The following SALL1 variants were observed in gnomAD, a reference collection of about 807,000 sequenced individuals.
SALL1 encodes spalt like transcription factor 1.
SALL1 carries 10 observed loss-of-function variants against 73.1 expected under a neutral mutation model. That is an observed-to-expected ratio of 0.14 (90% CI 0.08 to 0.23). The LOEUF (loss-of-function observed/expected upper bound fraction) is 0.23. Ranked by LOEUF, SALL1 falls within the 10% of genes least tolerant of loss-of-function variation. The pLI, the probability that SALL1 is intolerant of heterozygous loss-of-function variation, is 1.00. For missense variants in SALL1, 1,520 were observed against 1,697.3 expected (o/e 0.90, Z 1.84); for synonymous variants, 688 against 689.8 (o/e 1.00, Z 0.04).
chr16:51,152,261 C>T (rs995908546), upstream of SALL1: 1 of 152,728 alleles, frequency 6.5e-6, no homozygotes, highest in East Asian at 1.9e-4. Context: ...CACTGATCCT[C>T]CAGCTTCTTG....
chr16:51,139,784 A>G lies in SALL1; in HGVS notation c.2438T>C (p.Phe813Ser). ...TAGGTCATCAAAATTTTTCTCATCA[A>G]AGGAACCTGTGTCAGACTCCATGGA... ...SESMESDTGS[F>S]DEKNFDDLDN... The change falls in exon 2 of 3, where the codon TTT (phenylalanine) becomes TCT (serine). Residue 813 changes from phenylalanine to serine, a missense_variant. Coordinates refer to ENST00000251020, the MANE Select transcript of SALL1 (RefSeq NM_002968.3). 6.2e-7 allele frequency: 1 copy of G among 1,614,096 alleles called. No homozygotes were observed. Among genetic ancestry groups the G allele is most frequent in the Non-Finnish European group, 8.5e-7 (1 of 1,180,014 alleles).
At chr16:51,137,743 A>T (rs891385801) in intron 2 of SALL1, among the ~76,000 whole-genome samples, 191 bp from the exon 3 acceptor site, 1 of 152,216 alleles carries the variant, frequency 6.6e-6, no homozygotes, top group African/African-American at 2.4e-5. Context: ...CCTCCTGTCT[A>T]GTAATAACGT....
chr16:51,148,689 C>T (rs1450176424), intron 1 of SALL1, among the ~76,000 whole-genome samples: 1 of 152,150 alleles, frequency 6.6e-6, no homozygotes, highest in East Asian at 1.9e-4. Flanking sequence ...CAGAACTACT[C>T]CCAAATAAAA....
At chr16:51,142,267 G>A in intron 1 of SALL1, 122 bp from the exon 2 acceptor site, 1 of 768,548 alleles carries the variant, frequency 1.3e-6, no homozygotes, top group Non-Finnish European at 2.2e-6. Context: ...TGTAGCCCTT[G>A]AAAACCAATC....
In SALL1 at chr16:51,141,703, T is replaced by A; in HGVS notation, c.519A>T (p.Thr173=). The change falls in exon 2 of 3, where the codon ACA becomes ACT. Residue 173 remains threonine (T), a synonymous_variant. Transcript: ENST00000251020. The surrounding 1 kb of genome is among the most constrained non-coding windows in gnomAD (Gnocchi z 5.4). ...GSSSTGTSAI[T]TSLPQLGDLT... ...GGTCCCCGAGTTGAGGTAGAGAGGT[T>A]GTGATCGCTGAGGTACCTGTGGAGG... 1 of 1,613,452 alleles carries A rather than the reference T, an allele frequency of 6.2e-7. No individual in the cohort carries two copies. Among genetic ancestry groups the A allele is most frequent in the Non-Finnish European group, 8.5e-7 (1 of 1,179,982 alleles).
chr16:51,138,545 G>T (rs936926190), intron 2 of SALL1, 143 bp downstream of exon 2: 25 of 1,115,206 alleles, frequency 2.2e-5, no homozygotes, highest in Non-Finnish European at 3.0e-5. Flanking sequence ...TTTCTCCCCC[G>T]TCAACCATGT....
intron 2 of SALL1, among the ~76,000 whole-genome samples, chr16:51,138,321 C>A (rs7203605): frequency 0.039 from 5,889 of 152,172 alleles, 373 homozygotes; most frequent in African/African-American, 0.13. Flanking sequence ...GGGCAGCACA[C>A]AGGCCACGTG....
intron 1 of SALL1, 106 bp downstream of exon 1, chr16:51,151,060 G>A: frequency 3.2e-6 from 2 of 633,188 alleles, no homozygotes; most frequent in East Asian, 3.3e-5. Context: ...GGGCCGCGGC[G>A]GCGGTGAGGT....
In SALL1 at chr16:51,140,710, A is replaced by C. The variant is rs774222391; in HGVS notation, c.1512T>G (p.Pro504=). The C allele has an allele frequency of 4.3e-6, 7 of 1,614,076 alleles. No individual in the cohort carries two copies. Among genetic ancestry groups the C allele is most frequent in the Non-Finnish European group, 5.9e-6 (7 of 1,179,998 alleles). ...CAGGATAGGGGTTCATCTGGATATGAGGGTATTTCTCTTTGTGGCGCTGAA... is the reference window on the plus strand; with the variant it reads ...CAGGATAGGGGTTCATCTGGATATGCGGGTATTTCTCTTTGTGGCGCTGAA... ...VHFQRHKEKY[P]HIQMNPYPVP... Residue 504 remains proline (P), a synonymous_variant, in exon 2 of 3, where the codon CCT becomes CCG. Transcript: ENST00000251020. This position sits in a 1 kb window ranked among gnomAD's most constrained non-coding sequence, Gnocchi z 5.7.
At chr16:51,149,801 C>T (rs1567318970) in intron 1 of SALL1, 1 of 152,170 alleles carries the variant, frequency 6.6e-6, no homozygotes, top group Non-Finnish European at 1.5e-5. Context: ...AGCCGGGGAC[C>T]TGGGGGCCCG....
In SALL1 at chr16:51,137,336, C is replaced by T. The variant is rs745557411; in HGVS notation, c.3751G>A (p.Glu1251Lys). ...CCACCGTTCTGAATGACGGAGATCT[C>T]GTTGGCCTTCATCGCCAGCCCGTTG... ...LSNGLAMKANEISVIQNGGIP... is the reference protein window; with the variant it reads ...LSNGLAMKANKISVIQNGGIP... Residue 1251 changes from glutamate (E) to lysine (K), a missense_variant, in exon 3 of 3, where the codon GAG (glutamate) becomes AAG (lysine). Glu to Lys is a moderately conservative substitution (Grantham distance 56). Coordinates refer to ENST00000251020, the MANE Select transcript of SALL1 (RefSeq NM_002968.3). 16 of 1,613,974 alleles carry T rather than the reference C, an allele frequency of 9.9e-6. No homozygotes were observed. The highest frequency in any genetic ancestry group is 6.7e-5 in the Admixed American group (4 of 59,992).
intron 1 of SALL1, among the ~76,000 whole-genome samples, chr16:51,148,892 G>A (rs185204047): frequency 1.3e-5 from 2 of 152,196 alleles, no homozygotes; most frequent in South Asian, 2.1e-4. Context: ...AAGAAAAAGA[G>A]GAGGGGGTGG....
rs780478776 is a variant in SALL1, at chr16:51,139,284, T to A, written c.2938A>T (p.Ile980Phe). 7 of 1,614,026 alleles carry A rather than the reference T, an allele frequency of 4.3e-6. No homozygotes were observed. The African/African-American group carries it at 9.3e-5, about 22-fold the overall frequency. ...ATCCCCAAAGAATCTTCTTTGATGATTTTCTCTGCGTGACTAGATGTCAAA... is the reference window on the plus strand; with the variant it reads ...ATCCCCAAAGAATCTTCTTTGATGAATTTCTCTGCGTGACTAGATGTCAAA... ...LDLTSSHAEK[I>F]IKEDSLGILF... The change falls in exon 2 of 3, where the codon ATC becomes TTC. Residue 980 changes from isoleucine (I) to phenylalanine (F), a missense_variant. Around this residue, in one of 7 missense-constraint regions of SALL1, gnomAD observed 266 missense variants for 275.1 expected, o/e 0.97. Transcript: ENST00000251020.
At chr16:51,149,725 A>T (rs1227678723) in intron 1 of SALL1, 1 of 152,118 alleles carries the variant, frequency 6.6e-6, no homozygotes, top group African/African-American at 2.4e-5. Flanking sequence ...TCAGGGGTAA[A>T]GGGAGCGGGG....
chr16:51,147,817 A>G (rs930949059), intron 1 of SALL1, among the ~76,000 whole-genome samples: 4 of 152,012 alleles, frequency 2.6e-5, no homozygotes, highest in African/African-American at 7.2e-5. Context: ...ACATGCACAC[A>G]TGCACTTACG....
chr16:51,151,143 A>C, intron 1 of SALL1, 23 bp downstream of exon 1: 1 of 1,571,918 alleles, frequency 6.4e-7, no homozygotes, highest in African/African-American at 1.3e-5. Context: ...GTGTGTGTCC[A>C]CGGCGCGGGC....
At chr16:51,150,955 G>C (rs1353955644) in intron 1 of SALL1, 9 of 415,020 alleles carry the variant, frequency 2.2e-5, no homozygotes, top group East Asian at 2.1e-4. Context: ...CGGGAGATGT[G>C]CTCGCTTTCC....
Position 51,140,588 on chromosome 16 carries a change from T to G in SALL1, c.1634A>C (p.Lys545Thr). Residue 545 changes from lysine (K) to threonine (T), a missense_variant, in exon 2 of 3, where the codon AAA becomes ACA. Physicochemically the swap from Lys to Thr is moderately conservative, Grantham distance 78. Transcript: ENST00000251020. The surrounding 1 kb of genome is among the most constrained non-coding windows in gnomAD (Gnocchi z 5.7). ...EKPVTSWLDT[K>T]PVLPTLTTSV... ...AGTGGTCAGAGTAGGCAGGACTGGT[T>G]TGGTGTCTAGCCAGCTGGTGACTGG... 1.9e-6 allele frequency: 3 copies of G among 1,613,840 alleles called. No individual in the cohort carries two copies. Among genetic ancestry groups the G allele is most frequent in the Non-Finnish European group, 2.5e-6 (3 of 1,179,880 alleles).
intron 1 of SALL1, chr16:51,143,256 G>A (rs572087415): frequency 3.0e-6 from 1 of 331,490 alleles, no homozygotes; most frequent in Non-Finnish European, 6.2e-6. Flanking sequence ...TTGCTCAGAT[G>A]TCTTCTCACT....
Sources: gnomAD v4.1 joint callset for allele counts (sites outside exome capture counted in the v4.1 genomes callset) on GRCh38, gnomAD v4.1.1 for gene constraint, gnomAD v4.1.1 regional missense constraint, Gnocchi (gnomAD v3.1) non-coding constraint, MANE v1.5 for transcripts, NCBI Gene and HGNC (gene_info 2026-07-23, HGNC 2026-07-21) for gene names.